The following PRKAR2B variants were observed in gnomAD, a reference collection of about 807,000 sequenced individuals.
PRKAR2B encodes the protein protein kinase cAMP-dependent type II regulatory subunit beta.
In PRKAR2B, 14 loss-of-function variants were observed where a neutral mutation model predicts 49.9. That is an observed-to-expected ratio of 0.28 (90% confidence interval 0.19 to 0.44). The LOEUF is 0.44. Among genes scored for constraint, PRKAR2B ranks in the 20% least tolerant of loss-of-function variants. PRKAR2B has a pLI of 1.00. For synonymous variants in PRKAR2B, 196 were observed against 197.7 expected (o/e 0.99, Z 0.07); for missense variants, 393 against 537.9 (o/e 0.73, Z 2.67).
Position 107,140,859 on chromosome 7 carries a change from C to T in PRKAR2B, c.493C>T (p.Gln165Ter). ...FKNLDPEQMS[Q>*]VLDAMFEKLV... ...TTTTTAAAAATAGGAGCAGATGTCT[C>T]AAGTATTAGATGCCATGTTTGAAAA... Residue 165 changes from glutamine to a stop codon, truncating the protein, a stop_gained, in exon 5 of 11, where the codon CAA becomes TAA. Transcript: ENST00000265717. LOFTEE classifies it high-confidence loss of function. 1.2e-6 allele frequency: 2 copies of T among 1,609,848 alleles called. No homozygotes were observed. The highest frequency in any genetic ancestry group is 1.7e-6 in the Non-Finnish European group (2 of 1,177,794).
intron 1 of PRKAR2B, among the ~76,000 whole-genome samples, chr7:107,046,081 A>G (rs1279326279): frequency 6.6e-6 from 1 of 152,112 alleles, no homozygotes; most frequent in Non-Finnish European, 1.5e-5. Flanking sequence ...AGAAAAAGGA[A>G]TTTTCTCAAA....
intron 4 of PRKAR2B, among the ~76,000 whole-genome samples, chr7:107,137,121 T>C (rs1024346450): frequency 7.2e-5 from 11 of 152,208 alleles, no homozygotes; most frequent in African/African-American, 2.2e-4. Context: ...AGGCAGCCCT[T>C]GTCACCGCTA....
At chr7:107,047,738 G>C (rs940573493) in intron 1 of PRKAR2B, among the ~76,000 whole-genome samples, 2 of 152,186 alleles carry the variant, frequency 1.3e-5, no homozygotes, top group African/African-American at 4.8e-5. Context: ...GACCTGCTGG[G>C]TCAGTAATTC....
intron 2 of PRKAR2B, among the ~76,000 whole-genome samples, chr7:107,098,228 A>C (rs911745928): frequency 1.3e-5 from 2 of 152,012 alleles, no homozygotes; most frequent in Non-Finnish European, 2.9e-5. Context: ...TTTTTTCTCT[A>C]AACTTGTCTT....
rs1286720808 is a variant in PRKAR2B at position 107,104,648 on chromosome 7, T to C, written c.344-17304T>C. ...GTAGTTACCTTATTTCTTTTGCCAA[T>C]GCATTTTCAAATAAATGAGGATTAT... On this transcript the variant is annotated intron_variant, in intron 2 of 10. Coordinates refer to ENST00000265717, the MANE Select transcript of PRKAR2B (RefSeq NM_002736.3). Among the ~76,000 whole-genome samples, 71 of 152,324 alleles carry C rather than the reference T, an allele frequency of 4.7e-4. 1 individual carries two copies. Among genetic ancestry groups the C allele is most frequent in the Admixed American group, 4.6e-3 (71 of 15,298 alleles).
intron 2 of PRKAR2B, among the ~76,000 whole-genome samples, chr7:107,087,676 A>G (rs1415619839): frequency 6.6e-6 from 1 of 152,096 alleles, no homozygotes; most frequent in African/African-American, 2.4e-5. Flanking sequence ...GTACTTTGGG[A>G]GGCTGAGGCA....
At chr7:107,049,685 C>G (rs949295391) in intron 1 of PRKAR2B, among the ~76,000 whole-genome samples, 1 of 151,764 alleles carries the variant, frequency 6.6e-6, no homozygotes, top group Non-Finnish European at 1.5e-5. Context: ...CACTTCTTGG[C>G]GAGGTGAAGC....
chr7:107,065,716 G>C (rs1794124676), intron 1 of PRKAR2B, among the ~76,000 whole-genome samples: 1 of 152,176 alleles, frequency 6.6e-6, no homozygotes, highest in African/African-American at 2.4e-5. Flanking sequence ...GACTTGCTCT[G>C]TTTCCTTGCA....
chr7:107,051,446 G>A (rs1467925837), intron 1 of PRKAR2B, among the ~76,000 whole-genome samples: 1 of 152,086 alleles, frequency 6.6e-6, no homozygotes. Context: ...TGTCCTTCCT[G>A]TCTTATCTAT....
At chr7:107,131,559 G>A (rs1795604136) in intron 4 of PRKAR2B, among the ~76,000 whole-genome samples, 1 of 152,080 alleles carries the variant, frequency 6.6e-6, no homozygotes. Context: ...TTTCTGAATT[G>A]TCATGATCGA....
chr7:107,106,415 T>G (rs910324953), intron 2 of PRKAR2B, among the ~76,000 whole-genome samples: 4 of 152,136 alleles, frequency 2.6e-5, no homozygotes, highest in Non-Finnish European at 5.9e-5. Flanking sequence ...CTACCATACA[T>G]CAGATGGACA....
chr7:107,064,208 A>G (rs1449992921), intron 1 of PRKAR2B, among the ~76,000 whole-genome samples: 1 of 152,160 alleles, frequency 6.6e-6, no homozygotes, highest in Non-Finnish European at 1.5e-5. Flanking sequence ...CTAAGAGGGC[A>G]TTGTTGGTAA....
chr7:107,098,406 T>G (rs1054576169), intron 2 of PRKAR2B, among the ~76,000 whole-genome samples: 7 of 152,188 alleles, frequency 4.6e-5, no homozygotes, highest in African/African-American at 1.4e-4. Flanking sequence ...AGTTAGCCAT[T>G]TGTCTAATCT....
At chr7:107,107,975 A>T (rs1238668001) in intron 2 of PRKAR2B, among the ~76,000 whole-genome samples, 2 of 152,114 alleles carry the variant, frequency 1.3e-5, no homozygotes, top group East Asian at 3.9e-4. Flanking sequence ...TTTAATAAGC[A>T]AAGTGTAGAA....
intron 2 of PRKAR2B, among the ~76,000 whole-genome samples, chr7:107,121,278 G>A (rs1795382301): frequency 1.3e-5 from 2 of 152,018 alleles, no homozygotes; most frequent in Non-Finnish European, 2.9e-5. Flanking sequence ...ATGCATGAAG[G>A]TGTTTACTGC....
At chr7:107,062,700 C>CT (rs538165634) in intron 1 of PRKAR2B, among the ~76,000 whole-genome samples, 1 of 151,876 alleles carries the variant, frequency 6.6e-6, no homozygotes, top group Non-Finnish European at 1.5e-5. Flanking sequence ...AATTTCACAT[C>CT]TTTTTTTAAA....
At chr7:107,117,536 G>A (rs925052449) in intron 2 of PRKAR2B, among the ~76,000 whole-genome samples, 1 of 152,108 alleles carries the variant, frequency 6.6e-6, no homozygotes, top group African/African-American at 2.4e-5. Context: ...GCAAGACTCT[G>A]CCAGAGCTGA....
chr7:107,093,215 C>A (rs1480279216), intron 2 of PRKAR2B, among the ~76,000 whole-genome samples: 1 of 152,164 alleles, frequency 6.6e-6, no homozygotes, highest in Non-Finnish European at 1.5e-5. Flanking sequence ...TCTCTGCTTT[C>A]AGTTCTTTTA....
At chr7:107,131,199 C>T (rs188003362) in intron 4 of PRKAR2B, among the ~76,000 whole-genome samples, 16 of 152,266 alleles carry the variant, frequency 1.1e-4, no homozygotes, top group East Asian at 3.9e-4. Context: ...AATGCTTCAG[C>T]GGGGACTAAG....
Sources: allele counts gnomAD v4.1 joint callset (sites outside exome capture counted in the v4.1 genomes callset), GRCh38; gene constraint gnomAD v4.1.1; transcripts MANE v1.5; gene names NCBI Gene and HGNC (gene_info 2026-07-23, HGNC 2026-07-21).